Variants in RALGPS1 observed in about 807,000 individuals in gnomAD.
RALGPS1 encodes ras-specific guanine nucleotide-releasing factor RalGPS1.
RALGPS1 carries 19 observed loss-of-function variants against 78.8 expected under a neutral mutation model. The observed-to-expected ratio is 0.24, with a 90% CI of 0.17 to 0.35. The LOEUF is 0.35. RALGPS1 is among the 10% of genes least tolerant of loss of function. The probability of loss-of-function intolerance (pLI) is 1.00; values close to 1 mark genes in which losing one functional copy is unlikely to be tolerated. For missense variants in RALGPS1, 454 were observed against 688.3 expected (o/e 0.66, Z 3.81); for synonymous variants, 228 against 256.3 (o/e 0.89, Z 1.06).
chr9:126,965,868 G>A lies in RALGPS1; in HGVS notation c.82G>A (p.Glu28Lys), dbSNP rs1326265122. The change falls in exon 3 of 19, where the codon GAG becomes AAG. Residue 28 changes from glutamate to lysine, a missense_variant. Glu to Lys is a moderately conservative substitution (Grantham distance 56). Coordinates refer to ENST00000259351, the MANE Select transcript of RALGPS1 (RefSeq NM_014636.3). ...GGGCAGCAGCAGCTCGGACTCTCTG[G>A]AGGGCCAGAGCTGCGACTATGCCAG... The part of the protein sequence containing the change: ...PQGSSSSDSL[E>K]GQSCDYASKS... The A allele has an allele frequency of 3.1e-6, 5 of 1,613,942 alleles. No individual in the cohort carries two copies. The highest frequency in any genetic ancestry group is 4.2e-6 in the Non-Finnish European group (5 of 1,179,996).
At chr9:126,916,312 C>T (rs1420945971) in intron 1 of RALGPS1, among the ~76,000 whole-genome samples, 2 of 152,190 alleles carry the variant, frequency 1.3e-5, no homozygotes, top group African/African-American at 2.4e-5. Context: ...CTCTGCGAGG[C>T]CTCTGAGGGA....
chr9:127,043,969 T>A (rs1273502023), intron 5 of RALGPS1, among the ~76,000 whole-genome samples: 1 of 152,248 alleles, frequency 6.6e-6, no homozygotes, highest in Non-Finnish European at 1.5e-5. Flanking sequence ...ACACAAACTC[T>A]TATTCATTGC....
intron 8 of RALGPS1, among the ~76,000 whole-genome samples, chr9:127,100,405 C>T (rs1170801016): frequency 6.6e-6 from 1 of 152,218 alleles, no homozygotes; most frequent in Non-Finnish European, 1.5e-5. Context: ...TGCAGCACTA[C>T]TTTCCAGAGG....
chr9:126,993,250 C>CTTT (rs2042430913), intron 4 of RALGPS1, among the ~76,000 whole-genome samples: 1 of 152,092 alleles, frequency 6.6e-6, no homozygotes, highest in African/African-American at 2.4e-5. Context: ...AATTAATTAT[C>CTTT]TTTTTTGTAT....
chr9:126,929,634 T>A (rs777676), intron 1 of RALGPS1, among the ~76,000 whole-genome samples: 65,076 of 151,750 alleles, frequency 0.43, 15,270 homozygotes, highest in Non-Finnish European at 0.52. Flanking sequence ...TATTATTATT[T>A]TTTTTTTTAA....
At chr9:127,126,871 T>C (rs906921710) in intron 8 of RALGPS1, among the ~76,000 whole-genome samples, 4 of 152,264 alleles carry the variant, frequency 2.6e-5, no homozygotes, top group African/African-American at 9.6e-5. Context: ...TTCTTGATTA[T>C]GGGTCATATT....
intron 1 of RALGPS1, 81 bp downstream of exon 1, chr9:126,915,056 CT>C: frequency 7.1e-6 from 1 of 140,230 alleles, no homozygotes; most frequent in Middle Eastern, 4.1e-3. Flanking sequence ...GGGGCGGGCC[CT>C]GAGGCCGGGC....
intron 14 of RALGPS1, among the ~76,000 whole-genome samples, chr9:127,204,294 G>A (rs969170698): frequency 2.0e-5 from 3 of 152,150 alleles, no homozygotes; most frequent in Non-Finnish European, 2.9e-5. Flanking sequence ...TGCCTCCCAA[G>A]TAGCTGGGTA....
At chr9:127,046,958 G>A (rs554878421) in intron 5 of RALGPS1, among the ~76,000 whole-genome samples, 9 of 151,276 alleles carry the variant, frequency 5.9e-5, no homozygotes, top group African/African-American at 2.2e-4. Flanking sequence ...AATTGAAACT[G>A]TGAAATACCA....
In RALGPS1 at chr9:127,091,984, C is replaced by G; in HGVS notation, c.610+22628C>G. The G allele has an allele frequency of 6.3e-7, 1 of 1,595,656 alleles. No homozygotes were observed. The highest frequency in any genetic ancestry group is 8.6e-7 in the Non-Finnish European group (1 of 1,169,090). On this transcript the variant is annotated intron_variant, in intron 8 of 18. Transcript: ENST00000259351. This position sits in a 1 kb window ranked among gnomAD's most constrained non-coding sequence, Gnocchi z 4.3. ...AGTGTTAATGTGGAGCCTGCAGCAC[C>G]TGCAGCCAGCAGGCTTGGCTGTCAG...
intron 8 of RALGPS1, among the ~76,000 whole-genome samples, chr9:127,100,349 A>T (rs1280318610): frequency 6.6e-6 from 1 of 152,240 alleles, no homozygotes; most frequent in Non-Finnish European, 1.5e-5. Flanking sequence ...GAAAGGGCTT[A>T]TAAAGGTCCT....
Position 127,211,200 on chromosome 9 carries a change from G to T in RALGPS1, c.1248-931G>T, listed in dbSNP as rs930516819. 5.3e-5 allele frequency among the ~76,000 whole-genome samples: 8 copies of T among 152,212 alleles called. No individual in the cohort carries two copies. Among genetic ancestry groups the T allele is most frequent in the Non-Finnish European group, 1.0e-4 (7 of 68,030 alleles). On this transcript the variant is annotated intron_variant, in intron 14 of 18. Transcript: ENST00000259351. This position sits in a 1 kb window ranked among gnomAD's most constrained non-coding sequence, Gnocchi z 5.0. ...AGCCACATCCAGCATGCATCATCCA[G>T]CAGGGGTGAGAATGGTGGCTCAGAT... is the stretch of plus-strand genomic sequence containing the variant.
chr9:127,014,348 G>A (rs1445564662), intron 4 of RALGPS1, among the ~76,000 whole-genome samples: 2 of 152,152 alleles, frequency 1.3e-5, no homozygotes, highest in African/African-American at 4.8e-5. Flanking sequence ...CTCTTGGTCT[G>A]TGTGCACACC....
chr9:127,170,007 T>C (rs1376073412), intron 10 of RALGPS1, among the ~76,000 whole-genome samples: 2 of 152,224 alleles, frequency 1.3e-5, no homozygotes, highest in Non-Finnish European at 2.9e-5. Context: ...TTCTTTTAAA[T>C]CTTATCTTAT....
rs149518061 is a variant in RALGPS1 at position 127,082,761 on chromosome 9, G to A, written c.610+13405G>A. 2.5e-3 allele frequency among the ~76,000 whole-genome samples: 385 copies of A among 152,264 alleles called. 1 individual carries two copies. Among genetic ancestry groups the A allele is most frequent in the Middle Eastern group, 6.8e-3 (2 of 294 alleles). On this transcript the variant is annotated intron_variant, in intron 8 of 18. Transcript: ENST00000259351. ...AATCCACCTCGTAGAGTTGTTGTGA[G>A]AATTTAAAGAGCCATGCATACTGCC...
chr9:127,091,831 C>A lies in RALGPS1; in HGVS notation c.610+22475C>A. 2 of 1,614,186 alleles carry A rather than the reference C, an allele frequency of 1.2e-6. No individual in the cohort carries two copies. The highest frequency in any genetic ancestry group is 2.2e-5 in the South Asian group (2 of 91,082). ...GGCGTATTCTGCAAAGACTTTGCGG[C>A]CGGACCAGTCCTCCATGGTCACCAG... On this transcript the variant is annotated intron_variant, in intron 8 of 18. Coordinates refer to ENST00000259351, the MANE Select transcript of RALGPS1 (RefSeq NM_014636.3). This position sits in a 1 kb window ranked among gnomAD's most constrained non-coding sequence, Gnocchi z 4.3.
intron 1 of RALGPS1, among the ~76,000 whole-genome samples, chr9:126,957,815 G>C (rs1167024996): frequency 6.6e-6 from 1 of 151,942 alleles, no homozygotes; most frequent in African/African-American, 2.4e-5. Context: ...TTCTGCACTA[G>C]ACATTCCTCA....
chr9:127,192,713 CCAAT>C (rs2061140650), intron 11 of RALGPS1, among the ~76,000 whole-genome samples: 1 of 152,100 alleles, frequency 6.6e-6, no homozygotes, highest in Non-Finnish European at 1.5e-5. Context: ...CATCAGCTAT[CCAAT>C]CAAAGAAAAA....
At chr9:127,040,540 G>T (rs2047201464) in intron 5 of RALGPS1, among the ~76,000 whole-genome samples, 1 of 152,190 alleles carries the variant, frequency 6.6e-6, no homozygotes, top group Non-Finnish European at 1.5e-5. Flanking sequence ...GTCAAGGAGA[G>T]AGTAAGGACT....
Sources: gnomAD v4.1 joint callset for allele counts (sites outside exome capture counted in the v4.1 genomes callset) on GRCh38, gnomAD v4.1.1 for gene constraint, Gnocchi (gnomAD v3.1) non-coding constraint, MANE v1.5 for transcripts, NCBI Gene and HGNC (gene_info 2026-07-23, HGNC 2026-07-21) for gene names.